The following CLTC variants were observed in gnomAD, a reference collection of about 807,000 sequenced individuals.
CLTC encodes the protein clathrin heavy chain 1.
Under a neutral mutation model 195.8 loss-of-function variants are expected in CLTC, and 16 were observed. The observed-to-expected ratio is 0.08, with a 90% CI of 0.06 to 0.12. The LOEUF (loss-of-function observed/expected upper bound fraction) is 0.12. Ranked by LOEUF, CLTC falls within the 10% of genes least tolerant of loss-of-function variation. The pLI is 1.00. For synonymous variants in CLTC, 667 were observed against 689.4 expected, an observed-to-expected ratio of 0.97 and a Z score of 0.51; for missense variants, 796 against 2,027.0, an observed-to-expected ratio of 0.39 and a Z score of 11.66.
chr17:59,628,303 C>T (rs2031609734), intron 1 of CLTC, among the ~76,000 whole-genome samples: 1 of 152,166 alleles, frequency 6.6e-6, no homozygotes, highest in South Asian at 2.1e-4. Context: ...GTCTCAACTT[C>T]CTCATTTATT....
intron 16 of CLTC, among the ~76,000 whole-genome samples, chr17:59,676,132 G>C (rs1271728762): frequency 6.6e-6 from 1 of 152,190 alleles, no homozygotes; most frequent in Non-Finnish European, 1.5e-5. Context: ...CTTGAGCCCA[G>C]GAGGTCAGGG....
At chr17:59,631,570 A>G (rs2031716535) in intron 1 of CLTC, among the ~76,000 whole-genome samples, 1 of 152,266 alleles carries the variant, frequency 6.6e-6, no homozygotes, top group Non-Finnish European at 1.5e-5. Context: ...AATAACAGAA[A>G]ACATACATAA....
chr17:59,673,815 G>T, intron 15 of CLTC, 43 bp downstream of exon 15: 1 of 952,594 alleles, frequency 1.0e-6, no homozygotes, highest in East Asian at 2.5e-5. Flanking sequence ...TCTTACTATA[G>T]ATTTTATTTC....
At chr17:59,646,004 C>A in intron 2 of CLTC, 1 of 824,220 alleles carries the variant, frequency 1.2e-6, no homozygotes, top group Non-Finnish European at 1.5e-6. Context: ...TTAATGCTTT[C>A]TTATGTGTGC....
chr17:59,661,666 A>C (rs769190165), intron 8 of CLTC, 23 bp downstream of exon 8: 3 of 1,606,992 alleles, frequency 1.9e-6, no homozygotes, highest in Non-Finnish European at 2.6e-6. Flanking sequence ...ATGTTGACAT[A>C]ATCTTGCTTT....
chr17:59,664,562 AAAAAAGAAAAG>A (rs961134702), intron 9 of CLTC: 21 of 351,022 alleles, frequency 6.0e-5, no homozygotes, highest in South Asian at 4.9e-4. Flanking sequence ...AAAAAAAAAA[AAAAAAGAAAAG>A]AAAAGAAAAG....
rs2033420076 is a variant in CLTC, at chr17:59,696,216, A to G, written c.*2364A>G. ...CAGCCAGTAAACATTCTGTTTAGAA[A>G]TAGTTGCTATTGTGGCATCATTCAC... On this transcript the variant is annotated 3_prime_UTR_variant, in exon 32 of 32. Transcript: ENST00000269122. The G allele has an allele frequency of 4.5e-6, 1 of 220,434 alleles. No individual in the cohort carries two copies. Among genetic ancestry groups the G allele is most frequent in the African/African-American group, 2.2e-5 (1 of 44,598 alleles). 13.7% of individuals were successfully genotyped at this position (220,434 alleles called of 1,614,324 possible). A position where few individuals can be genotyped will look rare whatever the true frequency, so the allele number is the denominator to read the frequency against.
intron 1 of CLTC, among the ~76,000 whole-genome samples, chr17:59,627,333 A>G (rs954843799): frequency 6.6e-6 from 1 of 152,238 alleles, no homozygotes; most frequent in Non-Finnish European, 1.5e-5. Context: ...TTTAATGTTT[A>G]TTATCTCATT....
At chr17:59,640,536 A>C (rs1463192046) in intron 1 of CLTC, among the ~76,000 whole-genome samples, 2 of 151,866 alleles carry the variant, frequency 1.3e-5, no homozygotes, top group Non-Finnish European at 1.5e-5. Context: ...AGCTGGGACT[A>C]CAGGCGTGTG....
chr17:59,681,229 G>A lies in CLTC; in HGVS notation c.3066-66G>A. On this transcript the variant is annotated intron_variant, in intron 19 of 31. Coordinates refer to ENST00000269122, the MANE Select transcript of CLTC (RefSeq NM_004859.4). This position sits in a 1 kb window ranked among gnomAD's most constrained non-coding sequence, Gnocchi z 5.0. ...GACAAAAACCTCTCCGTTAGTCACA[G>A]TGGTTATTTTTTATGTCGGATAAAC... The A allele has an allele frequency of 6.6e-7, 1 of 1,521,720 alleles. No homozygotes were observed. The highest frequency in any genetic ancestry group is 8.9e-7 in the Non-Finnish European group (1 of 1,120,158). 94.3% of individuals were successfully genotyped at this position (1,521,720 alleles called of 1,614,324 possible).
rs774559472 is a variant in CLTC at position 59,679,378 on chromosome 17, T to C, written c.2797-19T>C. On this transcript the variant is annotated intron_variant, in intron 17 of 31. Transcript: ENST00000269122. ...CCTTTACTTTTTACCTTGAAATTAA[T>C]CTATCATATCTTCTTTAGGTTTGCA... 4 of 1,574,946 alleles carry C rather than the reference T, an allele frequency of 2.5e-6. No homozygotes were observed. The highest frequency in any genetic ancestry group is 3.5e-6 in the Non-Finnish European group (4 of 1,156,510).
chr17:59,681,227 C>T lies in CLTC; in HGVS notation c.3066-68C>T. 2 of 1,512,910 alleles carry T rather than the reference C, an allele frequency of 1.3e-6. No homozygotes were observed. The highest frequency in any genetic ancestry group is 1.9e-5 in the Admixed American group (1 of 52,718). 93.7% of individuals were successfully genotyped at this position (1,512,910 alleles called of 1,614,324 possible). On this transcript the variant is annotated intron_variant, in intron 19 of 31. Transcript: ENST00000269122. This position sits in a 1 kb window ranked among gnomAD's most constrained non-coding sequence, Gnocchi z 5.0. ...GAGACAAAAACCTCTCCGTTAGTCA[C>T]AGTGGTTATTTTTTATGTCGGATAA...
intron 6 of CLTC, 101 bp downstream of exon 6, chr17:59,656,128 A>C: frequency 1.9e-6 from 2 of 1,029,060 alleles, no homozygotes; most frequent in Non-Finnish European, 2.8e-6. Flanking sequence ...TAAAAAATAG[A>C]AAATAAACAT....
rs2032254793 is a variant in CLTC, at chr17:59,648,679, G to A, written c.681+278G>A. On this transcript the variant is annotated intron_variant, in intron 4 of 31. Coordinates refer to ENST00000269122, the MANE Select transcript of CLTC (RefSeq NM_004859.4). The surrounding 1 kb of genome is among the most constrained non-coding windows in gnomAD (Gnocchi z 4.5). ...TAGAGAGTTTGATTTAGTAGGTGTTGCCTATAATTTTTTTTGTTTATTTGT... is the reference window on the plus strand; with the variant it reads ...TAGAGAGTTTGATTTAGTAGGTGTTACCTATAATTTTTTTTGTTTATTTGT... 3 of 271,386 alleles carry A rather than the reference G, an allele frequency of 1.1e-5. No homozygotes were observed. Among genetic ancestry groups the A allele is most frequent in the Non-Finnish European group, 2.1e-5 (3 of 143,340 alleles). The allele number at this position is 271,386 out of a possible 1,614,324, so 16.8% of individuals were successfully genotyped here.
intron 31 of CLTC, among the ~76,000 whole-genome samples, chr17:59,691,862 A>T (rs1025455490): frequency 2.0e-5 from 3 of 151,936 alleles, no homozygotes; most frequent in Non-Finnish European, 2.9e-5. Context: ...AAAGGTGAAA[A>T]AGACATAGGA....
In CLTC at chr17:59,637,370, G is replaced by A. The variant is rs144422121; in HGVS notation, c.43-6906G>A. Among the ~76,000 whole-genome samples, 394 of 150,872 alleles carry A rather than the reference G, an allele frequency of 2.6e-3. 1 individual carries two copies. Among genetic ancestry groups the A allele is most frequent in the African/African-American group, 8.5e-3 (350 of 41,208 alleles). ...CGCCATTCTCCTGCCTCAGCCTCCC[G>A]AGTAGCTGGGACTACAGGTGCCCGT... On this transcript the variant is annotated intron_variant, in intron 1 of 31. Coordinates refer to ENST00000269122, the MANE Select transcript of CLTC (RefSeq NM_004859.4).
intron 5 of CLTC, among the ~76,000 whole-genome samples, chr17:59,652,060 C>A (rs771747703): frequency 2.0e-5 from 3 of 152,172 alleles, no homozygotes; most frequent in Non-Finnish European, 2.9e-5. Context: ...CAAGAAACCT[C>A]TTTTCTTTGC....
chr17:59,674,967 T>C, intron 16 of CLTC, 124 bp downstream of exon 16: 1 of 959,438 alleles, frequency 1.0e-6, no homozygotes, highest in Non-Finnish European at 1.6e-6. Context: ...TGAAGACACC[T>C]AACATAGAGG....
At position 59,673,785 on chromosome 17, in the gene CLTC, T is replaced by A; in HGVS notation, c.2418+13T>A. On this transcript the variant is annotated intron_variant, in intron 15 of 31. Transcript: ENST00000269122. ...ATATGTACAGAAGGTAAGTAATATG[T>A]AGGTAATGTAAAGGTATAATCTTAC... is the stretch of plus-strand genomic sequence containing the variant. 1 of 1,072,840 alleles carries A rather than the reference T, an allele frequency of 9.3e-7. No individual in the cohort carries two copies. The highest frequency in any genetic ancestry group is 1.4e-6 in the Non-Finnish European group (1 of 696,520). The allele number at this position is 1,072,840 out of a possible 1,614,324, so 66.5% of individuals were successfully genotyped here.
Sources: gnomAD v4.1 joint callset for allele counts (sites outside exome capture counted in the v4.1 genomes callset) on GRCh38, gnomAD v4.1.1 for gene constraint, Gnocchi (gnomAD v3.1) non-coding constraint, MANE v1.5 for transcripts, NCBI Gene and HGNC (gene_info 2026-07-23, HGNC 2026-07-21) for gene names.